Variants in ANKRD12 observed in about 807,000 individuals in gnomAD.
ANKRD12 encodes ankyrin repeat domain 12, also known as ankyrin repeat domain-containing protein 12.
Under a neutral mutation model 183.4 loss-of-function variants are expected in ANKRD12, and 85 were observed. The ratio of observed to expected loss-of-function variants is 0.46; its 90% CI spans 0.39 to 0.56. The LOEUF (loss-of-function observed/expected upper bound fraction) is 0.56, where lower values mean the gene tolerates loss of function less well. ANKRD12 is among the 20% of genes least tolerant of loss of function. ANKRD12 has a pLI of 0.00. For missense variants in ANKRD12, 2,405 were observed against 2,357.1 expected, an observed-to-expected ratio of 1.02 and a Z score of -0.42; for synonymous variants, 914 against 800.2, an observed-to-expected ratio of 1.14 and a Z score of -2.40.
chr18:9,212,306 T>A (rs2035848851), intron 6 of ANKRD12, among the ~76,000 whole-genome samples: 1 of 152,136 alleles, frequency 6.6e-6, no homozygotes, highest in South Asian at 2.1e-4. Context: ...ACAGGTTCTT[T>A]CTCTTCCATA....
At chr18:9,275,841 A>G (rs2039807155) in intron 11 of ANKRD12, among the ~76,000 whole-genome samples, 174 bp downstream of exon 11, 1 of 152,238 alleles carries the variant, frequency 6.6e-6, no homozygotes, top group Non-Finnish European at 1.5e-5. Context: ...TCCATTTTCT[A>G]AAGCACTGTA....
intron 4 of ANKRD12, among the ~76,000 whole-genome samples, chr18:9,207,285 TAATG>T (rs780864795): frequency 6.6e-6 from 1 of 152,114 alleles, no homozygotes; most frequent in South Asian, 2.1e-4. Flanking sequence ...TCATTAATGA[TAATG>T]AAATAATAAA....
intron 8 of ANKRD12, among the ~76,000 whole-genome samples, chr18:9,227,348 T>C (rs2036778742): frequency 6.6e-6 from 1 of 152,180 alleles, no homozygotes; most frequent in African/African-American, 2.4e-5. Context: ...CTAAAAGGAA[T>C]GACTAAAATA....
chr18:9,204,493 A>G lies in ANKRD12; in HGVS notation c.253A>G (p.Thr85Ala). The G allele has an allele frequency of 6.2e-7, 1 of 1,602,656 alleles. No homozygotes were observed. Among genetic ancestry groups the G allele is most frequent in the Non-Finnish European group, 8.5e-7 (1 of 1,171,994 alleles). Residue 85 changes from threonine to alanine, a missense_variant, in exon 4 of 13, where the codon ACA becomes GCA. By Grantham distance (58) the Thr-to-Ala change is moderately conservative. Transcript: ENST00000262126. ...DSDTDSDPGHTSENWGERLIS... is the reference protein window; with the variant it reads ...DSDTDSDPGHASENWGERLIS... ...TTCTGTAGATTCAGATCCAGGACAT[A>G]CAAGTGAAAATTGGGGGGAGAGACT... is the stretch of plus-strand genomic sequence containing the variant.
chr18:9,205,741 C>CA (rs2035450414), intron 4 of ANKRD12, among the ~76,000 whole-genome samples: 1 of 152,020 alleles, frequency 6.6e-6, no homozygotes, highest in African/African-American at 2.4e-5. Flanking sequence ...AGAGTAATGG[C>CA]AAATTTTTTT....
Position 9,254,237 on chromosome 18 carries a change from CCTT to C in ANKRD12, c.973_975del (p.Ser326del), listed in dbSNP as rs770609258. On this transcript the variant is annotated inframe_deletion, in exon 9 of 13. Transcript: ENST00000262126. ...TTCCGAAGAGGCTCAATCTGTAAAT[CCTT>C]CTAGTGTTGATGAAAATATTGACTC... The C allele has an allele frequency of 1.9e-6, 3 of 1,575,906 alleles. No homozygotes were observed. In the South Asian group the frequency reaches 3.6e-5, roughly 19 times the overall value.
chr18:9,157,577 G>GTATATATATATATATATATATATATA (rs1439951194), intron 1 of ANKRD12, among the ~76,000 whole-genome samples: 1 of 114,472 alleles, frequency 8.7e-6, no homozygotes, highest in Non-Finnish European at 1.7e-5. Flanking sequence ...GTGTGTGTGT[G>GTATATATATATATATATATATATATA]TGTGTGTGTA....
intron 6 of ANKRD12, among the ~76,000 whole-genome samples, chr18:9,215,365 A>G (rs1300476309): frequency 1.3e-5 from 2 of 152,104 alleles, no homozygotes; most frequent in East Asian, 1.9e-4. Flanking sequence ...TTGTATAACA[A>G]GAAGGCCTGG....
intron 8 of ANKRD12, among the ~76,000 whole-genome samples, chr18:9,225,694 C>G (rs1450472708): frequency 2.0e-5 from 3 of 152,096 alleles, no homozygotes. Context: ...TCAATACTTT[C>G]GAAATCCAAA....
chr18:9,150,090 G>A (rs1183908413), intron 1 of ANKRD12, among the ~76,000 whole-genome samples: 2 of 152,006 alleles, frequency 1.3e-5, no homozygotes, highest in Non-Finnish European at 2.9e-5. Context: ...CATCGTGCCT[G>A]GCCTGTAATG....
chr18:9,157,540 G>GGTGGGTGTGTAT (rs1338508631), intron 1 of ANKRD12, among the ~76,000 whole-genome samples: 9 of 124,548 alleles, frequency 7.2e-5, no homozygotes, highest in African/African-American at 1.2e-4. Context: ...TAAATTTTAT[G>GGTGGGTGTGTAT]GTGTGTGTGG....
intron 6 of ANKRD12, among the ~76,000 whole-genome samples, 184 bp from the exon 7 acceptor site, chr18:9,216,574 C>T (rs1414745117): frequency 1.3e-5 from 2 of 152,184 alleles, no homozygotes; most frequent in Non-Finnish European, 2.9e-5. Flanking sequence ...GTAATATTAT[C>T]TTGAATGAAC....
intron 7 of ANKRD12, among the ~76,000 whole-genome samples, chr18:9,218,654 ACTT>A (rs1230229408): frequency 1.3e-5 from 2 of 149,390 alleles, no homozygotes; most frequent in South Asian, 2.1e-4. Context: ...TTCCTAAAAC[ACTT>A]CTTTTTTCTT....
chr18:9,137,220 C>CCCGCCCGCCGCCGCCCCT (rs1555699594), intron 1 of ANKRD12: 62 of 149,540 alleles, frequency 4.1e-4, no homozygotes, highest in Admixed American at 9.3e-4. Context: ...CCGCCGGGGC[C>CCCGCCCGCCGCCGCCCCT]CCGCCCGCCG....
intron 2 of ANKRD12, among the ~76,000 whole-genome samples, chr18:9,194,823 A>G (rs1433498006): frequency 2.0e-5 from 3 of 152,208 alleles, no homozygotes; most frequent in African/African-American, 2.4e-5. Context: ...CAACCCAGCA[A>G]TCCCATTTTT....
chr18:9,241,394 AT>A (rs1166364653), intron 8 of ANKRD12, among the ~76,000 whole-genome samples: 1 of 151,978 alleles, frequency 6.6e-6, no homozygotes, highest in Non-Finnish European at 1.5e-5. Context: ...CTTCCAGTGT[AT>A]TTATTAGATA....
intron 1 of ANKRD12, among the ~76,000 whole-genome samples, chr18:9,175,887 A>T (rs2033226456): frequency 6.6e-6 from 1 of 152,176 alleles, no homozygotes; most frequent in Non-Finnish European, 1.5e-5. Flanking sequence ...CTCTCTGCTA[A>T]GATAAAATTT....
At chr18:9,218,252 C>G (rs1371880227) in intron 7 of ANKRD12, among the ~76,000 whole-genome samples, 1 of 152,168 alleles carries the variant, frequency 6.6e-6, no homozygotes, top group Non-Finnish European at 1.5e-5. Flanking sequence ...CATGTACTTA[C>G]AAGGACTCAC....
intron 11 of ANKRD12, among the ~76,000 whole-genome samples, chr18:9,278,727 G>A (rs1441196547): frequency 1.3e-5 from 2 of 152,108 alleles, no homozygotes; most frequent in Non-Finnish European, 2.9e-5. Flanking sequence ...AACCTGGGAG[G>A]TGGAGATTGC....
Sources: allele counts gnomAD v4.1 joint callset (sites outside exome capture counted in the v4.1 genomes callset), GRCh38; gene constraint gnomAD v4.1.1; transcripts MANE v1.5; gene names NCBI Gene and HGNC (gene_info 2026-07-23, HGNC 2026-07-21).